SPINK5: variants seen among roughly 807,000 people sequenced by gnomAD.
The protein encoded by SPINK5 is serine protease inhibitor Kazal-type 5.
SPINK5 carries 125 observed loss-of-function variants against 151.8 expected under a neutral mutation model. The observed-to-expected ratio is 0.82, with a 90% CI of 0.71 to 0.96. The LOEUF is 0.96. SPINK5 is among the 40% of genes least tolerant of loss of function. The pLI, the probability that SPINK5 is intolerant of heterozygous loss-of-function variation, is 0.00. For synonymous variants in SPINK5, 374 were observed against 395.3 expected (o/e 0.95, Z 0.64); for missense variants, 1,194 against 1,291.9 (o/e 0.92, Z 1.16).
rs72660258 is a variant in SPINK5 at position 148,111,298 on chromosome 5, C to A, written c.1693-470C>A. Among the ~76,000 whole-genome samples, 226 of 151,986 alleles carry A rather than the reference C, an allele frequency of 1.5e-3. 1 individual carries two copies. The highest frequency in any genetic ancestry group is 5.1e-3 in the African/African-American group (213 of 41,416). On this transcript the variant is annotated intron_variant, in intron 18 of 32. Coordinates refer to ENST00000256084, the MANE Select transcript of SPINK5 (RefSeq NM_006846.4). ...CGCTCTTGCAGTTTTAAGGACTGAT[C>A]CTTGTGATTGAGCCTTACACTGAGC...
At chr5:148,093,549 C>T (rs1041271678) in intron 8 of SPINK5, among the ~76,000 whole-genome samples, 2 of 151,910 alleles carry the variant, frequency 1.3e-5, no homozygotes, top group Non-Finnish European at 2.9e-5. Flanking sequence ...AAGCATAACA[C>T]TGTTGGATAA....
At chr5:148,122,952 G>A (rs865999057) in intron 26 of SPINK5, among the ~76,000 whole-genome samples, 1 of 147,582 alleles carries the variant, frequency 6.8e-6, no homozygotes, top group East Asian at 2.0e-4. Context: ...GAAGAGTGTC[G>A]TTTAGTTCAT....
At chr5:148,073,330 G>A (rs1405097437) in intron 4 of SPINK5, among the ~76,000 whole-genome samples, 1 of 151,894 alleles carries the variant, frequency 6.6e-6, no homozygotes, top group Non-Finnish European at 1.5e-5. Context: ...AGCCTCCACA[G>A]TAAACATAGT....
rs75533763 is a variant in SPINK5 at position 148,078,127 on chromosome 5, G to A, written c.282+5907G>A. ...GATCGGTACCATGCTAAGTTTAACC[G>A]TAAGAGAGCAGGATTGGCTATATTA... On this transcript the variant is annotated intron_variant, in intron 4 of 32. Coordinates refer to ENST00000256084, the MANE Select transcript of SPINK5 (RefSeq NM_006846.4). Among the ~76,000 whole-genome samples, 250 of 151,016 alleles carry A rather than the reference G, an allele frequency of 1.7e-3. 2 individuals carry two copies. The East Asian group carries it at 0.024, about 15-fold the overall frequency.
rs776722892 is a variant in SPINK5 at position 148,112,927 on chromosome 5, C to T, written c.1880C>T (p.Ala627Val). 4 of 1,613,618 alleles carry T rather than the reference C, an allele frequency of 2.5e-6. No individual in the cohort carries two copies. Among genetic ancestry groups the T allele is most frequent in the South Asian group, 1.1e-5 (1 of 91,052 alleles). Residue 627 changes from alanine to valine, a missense_variant, in exon 20 of 33, where the codon GCT (alanine) becomes GTT (valine). Physicochemically the swap from Ala to Val is moderately conservative, Grantham distance 64. Transcript: ENST00000256084. ...CCCAGAGCAAAAGTCAAAAGAGAAG[C>T]TGAAAAGGTAGTAATCCTGAATGTT... ...AEPRAKVKRE[A>V]EKETCDEFRR...
chr5:148,094,018 G>A (rs1428338991), intron 8 of SPINK5, among the ~76,000 whole-genome samples: 1 of 151,920 alleles, frequency 6.6e-6, no homozygotes, highest in Non-Finnish European at 1.5e-5. Flanking sequence ...TTGTTGGCTG[G>A]ATGTGTTGGT....
intron 28 of SPINK5, among the ~76,000 whole-genome samples, chr5:148,125,316 C>A (rs989135081): frequency 2.0e-5 from 3 of 152,142 alleles, no homozygotes; most frequent in Non-Finnish European, 2.9e-5. Context: ...GCTTTCTTTT[C>A]TATTTATTTT....
intron 2 of SPINK5, among the ~76,000 whole-genome samples, chr5:148,066,181 G>C (rs531742948): frequency 6.6e-6 from 1 of 152,242 alleles, no homozygotes; most frequent in South Asian, 2.1e-4. Flanking sequence ...CAGAGGCCCT[G>C]ACGCAAGAAG....
intron 32 of SPINK5, among the ~76,000 whole-genome samples, chr5:148,134,710 A>G (rs1754654935): frequency 6.6e-6 from 1 of 152,176 alleles, no homozygotes; most frequent in Non-Finnish European, 1.5e-5. Flanking sequence ...AGACCATGGT[A>G]TAGTGCTTAT....
At chr5:148,090,168 G>T (rs183505014) in intron 7 of SPINK5, among the ~76,000 whole-genome samples, 38 of 152,024 alleles carry the variant, frequency 2.5e-4, no homozygotes, top group Middle Eastern at 6.8e-3. Flanking sequence ...CGCAGATGTG[G>T]ATAAGATCTA....
In SPINK5 at chr5:148,088,538, CTA is replaced by C; in HGVS notation, c.411-3_411-2del. On this transcript the variant is annotated splice_acceptor_variant and splice_polypyrimidine_tract_variant and intron_variant, in intron 5 of 32. Transcript: ENST00000256084. LOFTEE classifies it high-confidence loss of function. ...CTGCTGTGTCTACTAACTTTTGATT[CTA>C]GGAAAACCGGGTCCCAAATTGGTGT... The C allele has an allele frequency of 6.2e-7, 1 of 1,611,376 alleles. No individual in the cohort carries two copies. Among genetic ancestry groups the C allele is most frequent in the Non-Finnish European group, 8.5e-7 (1 of 1,178,346 alleles).
intron 26 of SPINK5, among the ~76,000 whole-genome samples, chr5:148,123,067 A>T (rs6875266): frequency 3.3e-5 from 5 of 151,452 alleles, no homozygotes; most frequent in African/African-American, 1.2e-4. Context: ...ATGAGATGGG[A>T]CAGGGCACTG....
At chr5:148,112,835 G>A (rs1169936958) in intron 19 of SPINK5, 33 bp from the exon 20 acceptor site, 4 of 1,613,364 alleles carry the variant, frequency 2.5e-6, no homozygotes, top group South Asian at 1.1e-5. Flanking sequence ...TTGGGTGCTA[G>A]GAATGATTGT....
intron 4 of SPINK5, among the ~76,000 whole-genome samples, chr5:148,085,217 AAG>A (rs1157082867): frequency 6.6e-6 from 1 of 151,830 alleles, no homozygotes; most frequent in African/African-American, 2.4e-5. Flanking sequence ...CCTTCTAGAT[AAG>A]AGTTTCTCAA....
chr5:148,090,046 A>G (rs1203933265), intron 7 of SPINK5, among the ~76,000 whole-genome samples: 1 of 151,838 alleles, frequency 6.6e-6, no homozygotes, highest in African/African-American at 2.4e-5. Context: ...TAATAATGCC[A>G]TGTGTCTGAA....
At chr5:148,112,741 T>C (rs1358568856) in intron 19 of SPINK5, 127 bp from the exon 20 acceptor site, 2 of 1,466,858 alleles carry the variant, frequency 1.4e-6, no homozygotes, top group African/African-American at 2.8e-5. Flanking sequence ...TGTTTACCTT[T>C]CCACTCCAAA....
chr5:148,068,019 A>G (rs1250057308), intron 2 of SPINK5, among the ~76,000 whole-genome samples: 5 of 152,306 alleles, frequency 3.3e-5, no homozygotes, highest in Admixed American at 1.3e-4. Context: ...AATAAGGGAT[A>G]TATTTTCATT....
rs1753981963 is a variant in SPINK5, at chr5:148,112,937, A to G, written c.1887+3A>G. The G allele has an allele frequency of 6.2e-7, 1 of 1,613,576 alleles. No individual in the cohort carries two copies. Among genetic ancestry groups the G allele is most frequent in the Non-Finnish European group, 8.5e-7 (1 of 1,179,800 alleles). ...AAGTCAAAAGAGAAGCTGAAAAGGT[A>G]GTAATCCTGAATGTTTATACTGCAA... On this transcript the variant is annotated splice_donor_region_variant and intron_variant, in intron 20 of 32. Transcript: ENST00000256084.
At position 148,124,772 on chromosome 5, in the gene SPINK5, G is replaced by C; in HGVS notation, c.2674G>C (p.Glu892Gln). The C allele has an allele frequency of 1.2e-6, 2 of 1,601,652 alleles. No homozygotes were observed. Among genetic ancestry groups the C allele is most frequent in the Non-Finnish European group, 1.7e-6 (2 of 1,174,166 alleles). Residue 892 changes from glutamate (E) to glutamine (Q), a missense_variant, in exon 28 of 33, where the codon GAA becomes CAA. Glu to Gln is a conservative substitution (Grantham distance 29). Coordinates refer to ENST00000256084, the MANE Select transcript of SPINK5 (RefSeq NM_006846.4). ...TTTTTAATTATTCTGCAGTGATCGA[G>C]AAGCTAATGAAAGAAAAAAGAAAGA... ...CAMCQSIFDR[E>Q]ANERKKKDEE...
Sources: allele counts gnomAD v4.1 joint callset (sites outside exome capture counted in the v4.1 genomes callset), GRCh38; gene constraint gnomAD v4.1.1; transcripts MANE v1.5; gene names NCBI Gene and HGNC (gene_info 2026-07-23, HGNC 2026-07-21).